SPIN1: variants seen among roughly 807,000 people sequenced by gnomAD.
The protein encoded by SPIN1 is spindlin-1.
Under a neutral mutation model 26.0 loss-of-function variants are expected in SPIN1, and 3 were observed. The ratio of observed to expected loss-of-function variants is 0.12; its 90% CI spans 0.05 to 0.30. The LOEUF is 0.30. SPIN1 is among the 10% of genes least tolerant of loss of function. The pLI, the probability that SPIN1 is intolerant of heterozygous loss-of-function variation, is 1.00. For synonymous variants in SPIN1, 101 were observed against 116.5 expected (o/e 0.87, Z 0.86); for missense variants, 126 against 333.4 (o/e 0.38, Z 4.84).
chr9:88,428,333 C>T (rs1326719513), intron 2 of SPIN1, among the ~76,000 whole-genome samples: 3 of 152,152 alleles, frequency 2.0e-5, no homozygotes, highest in Non-Finnish European at 2.9e-5. Context: ...CTTGCTGCGT[C>T]CCTCCTTCCC....
intron 2 of SPIN1, among the ~76,000 whole-genome samples, chr9:88,431,238 A>T (rs1003863704): frequency 6.7e-6 from 1 of 150,252 alleles, no homozygotes. Flanking sequence ...TTAGTCATAG[A>T]TGCTCATGTA....
chr9:88,426,208 C>T (rs1164722206), intron 1 of SPIN1, among the ~76,000 whole-genome samples, 174 bp from the exon 2 acceptor site: 1 of 152,070 alleles, frequency 6.6e-6, no homozygotes, highest in Non-Finnish European at 1.5e-5. Flanking sequence ...CTCTTTTTCT[C>T]CTTTCTACTT....
intron 1 of SPIN1, among the ~76,000 whole-genome samples, chr9:88,422,162 C>G (rs1312082162): frequency 1.3e-5 from 2 of 152,158 alleles, no homozygotes; most frequent in African/African-American, 2.4e-5. Context: ...CAACCTTTCT[C>G]TTGATAGTTT....
At chr9:88,458,126 G>A (rs1043233172) in intron 3 of SPIN1, among the ~76,000 whole-genome samples, 1 of 152,198 alleles carries the variant, frequency 6.6e-6, no homozygotes, top group Non-Finnish European at 1.5e-5. Context: ...ATTGTTGGAA[G>A]ACTAGAAGCA....
intron 3 of SPIN1, among the ~76,000 whole-genome samples, chr9:88,450,328 G>T (rs533638713): frequency 2.0e-5 from 3 of 152,156 alleles, no homozygotes; most frequent in African/African-American, 2.4e-5. Flanking sequence ...TGCAGGACCA[G>T]AACAGTTCAT....
chr9:88,431,375 C>T (rs1000613592), intron 2 of SPIN1, among the ~76,000 whole-genome samples: 4 of 151,312 alleles, frequency 2.6e-5, no homozygotes, highest in South Asian at 2.1e-4. Flanking sequence ...ATTGCAACCT[C>T]CGCCTCCTGG....
chr9:88,446,980 C>T (rs2118123423), intron 2 of SPIN1, among the ~76,000 whole-genome samples: 1 of 152,280 alleles, frequency 6.6e-6, no homozygotes, highest in East Asian at 1.9e-4. Flanking sequence ...CACATCTGGA[C>T]AACTTTGTAT....
chr9:88,389,054 C>T (rs1027934224), intron 1 of SPIN1, among the ~76,000 whole-genome samples: 1 of 151,802 alleles, frequency 6.6e-6, no homozygotes, highest in East Asian at 1.9e-4. Context: ...CGGGTCACCC[C>T]GGGGACGCGG....
intron 2 of SPIN1, among the ~76,000 whole-genome samples, chr9:88,445,782 A>G (rs528139866): frequency 6.6e-6 from 1 of 151,420 alleles, no homozygotes; most frequent in South Asian, 2.1e-4. Context: ...CAAATCATCC[A>G]CCAGCCTTGG....
chr9:88,393,445 G>GTTTT (rs57244433), intron 1 of SPIN1, among the ~76,000 whole-genome samples: 1,639 of 88,434 alleles, frequency 0.019, 235 homozygotes, highest in African/African-American at 0.031. Context: ...TTGCTTTTGG[G>GTTTT]TTTTTTTTTT....
chr9:88,411,050 G>A, intron 1 of SPIN1: 1 of 1,585,224 alleles, frequency 6.3e-7, no homozygotes, highest in South Asian at 1.1e-5. Flanking sequence ...GCCTCGGTCA[G>A]TCATGATTTC....
At chr9:88,410,521 T>C (rs1827420618) in intron 1 of SPIN1, 12 of 786,842 alleles carry the variant, frequency 1.5e-5, no homozygotes, top group South Asian at 1.5e-4. Context: ...CTAAGCTTTG[T>C]TACCTAATTA....
chr9:88,458,386 G>A (rs1195662329), intron 3 of SPIN1, among the ~76,000 whole-genome samples: 1 of 152,172 alleles, frequency 6.6e-6, no homozygotes, highest in African/African-American at 2.4e-5. Context: ...AAAGGACCCC[G>A]GGTCCAGTTT....
chr9:88,416,159 A>C (rs1170437553), intron 1 of SPIN1, among the ~76,000 whole-genome samples: 5 of 152,152 alleles, frequency 3.3e-5, no homozygotes, highest in African/African-American at 9.7e-5. Context: ...CATTGACCCT[A>C]AATTTTTGTT....
chr9:88,471,564 A>C (rs1041987495), intron 5 of SPIN1, among the ~76,000 whole-genome samples: 10 of 146,676 alleles, frequency 6.8e-5, no homozygotes, highest in African/African-American at 2.5e-4. Flanking sequence ...CTGAGGCAGG[A>C]GAATCGCTTG....
At chr9:88,389,032 G>A (rs1183292726) in intron 1 of SPIN1, among the ~76,000 whole-genome samples, 1 of 151,640 alleles carries the variant, frequency 6.6e-6, no homozygotes, top group Admixed American at 6.6e-5. Context: ...GCGGGACCCC[G>A]GCGCGACGGG....
At position 88,449,004 on chromosome 9, in the gene SPIN1, A is replaced by T; in HGVS notation, c.101+15A>T. On this transcript the variant is annotated intron_variant, in intron 3 of 5. Transcript: ENST00000375859. ...ACATCCCACAAGTAAGCAGTTCTGA[A>T]ACTGGTTCTAGATAGTGTTTTGTGA... 6.2e-7 allele frequency: 1 copy of T among 1,611,874 alleles called. No homozygotes were observed. The highest frequency in any genetic ancestry group is 8.5e-7 in the Non-Finnish European group (1 of 1,179,432).
chr9:88,424,440 C>T (rs1827727614), intron 1 of SPIN1, among the ~76,000 whole-genome samples: 1 of 151,902 alleles, frequency 6.6e-6, no homozygotes, highest in Non-Finnish European at 1.5e-5. Context: ...TAGGGTTTTG[C>T]CATACAACAG....
At chr9:88,409,421 T>G (rs1001480588) in intron 1 of SPIN1, among the ~76,000 whole-genome samples, 13 of 152,034 alleles carry the variant, frequency 8.6e-5, no homozygotes, top group Admixed American at 7.2e-4. Context: ...TTTGAATAAT[T>G]TCGGGTCTAG....
Sources: allele counts gnomAD v4.1 joint callset (sites outside exome capture counted in the v4.1 genomes callset), GRCh38; gene constraint gnomAD v4.1.1; transcripts MANE v1.5; gene names NCBI Gene and HGNC (gene_info 2026-07-23, HGNC 2026-07-21).